PDE1A: variants seen among roughly 807,000 people sequenced by gnomAD.
PDE1A encodes dual specificity calcium/calmodulin-dependent 3',5'-cyclic nucleotide phosphodiesterase 1A.
PDE1A carries 35 observed loss-of-function variants against 61.7 expected under a neutral mutation model. The observed-to-expected ratio is 0.57, with a 90% CI of 0.43 to 0.75. The LOEUF is 0.75. PDE1A is among the 30% of genes least tolerant of loss of function. The pLI is 0.00. For synonymous variants in PDE1A, 232 were observed against 213.2 expected (o/e 1.09, Z -0.77); for missense variants, 597 against 630.6 (o/e 0.95, Z 0.57).
chr2:182,510,645 A>C (rs541746404), intron 2 of PDE1A, among the ~76,000 whole-genome samples: 10 of 152,336 alleles, frequency 6.6e-5, no homozygotes, highest in Non-Finnish European at 1.2e-4. Context: ...CCTAAAGAAT[A>C]ATTTTCAAGC....
rs190764598 is a variant in PDE1A, at chr2:182,519,208, T to C, written c.101+3068A>G. Among the ~76,000 whole-genome samples the C allele has an allele frequency of 1.2e-4, 18 of 152,168 alleles. No homozygotes were observed. In the East Asian group the frequency reaches 3.3e-3, roughly 28 times the overall value. ...GAAACTTCTGAATCAGAAATTTCAT[T>C]TGGTGTTGAGATGGCATAAGAAATA... On this transcript the variant is annotated intron_variant, in intron 2 of 14. Coordinates refer to the PDE1A transcript ENST00000410103.
In PDE1A at chr2:182,183,508, C is replaced by A. The variant is rs138744290; in HGVS notation, c.1516+2384G>T. ...TGGAATGGGAAGGCAGCAAATAATT[C>A]TGGTTACTTGAATATAAAATGGTGA... On this transcript the variant is annotated intron_variant, in intron 13 of 13. Transcript: ENST00000351439. 4.1e-3 allele frequency among the ~76,000 whole-genome samples: 630 copies of A among 152,134 alleles called. 4 individuals are homozygous for A. Among genetic ancestry groups the A allele is most frequent in the Non-Finnish European group, 6.7e-3 (457 of 68,000 alleles).
At chr2:182,614,432 CT>C in the PDE1A span, among the ~76,000 whole-genome samples, 2 of 151,070 alleles carry the variant, frequency 1.3e-5, no homozygotes, top group African/African-American at 4.9e-5. Flanking sequence ...AATTTTAATT[CT>C]TTATTTTTTC....
chr2:182,303,109 T>C (rs1695351786), intron 1 of PDE1A, among the ~76,000 whole-genome samples: 1 of 152,204 alleles, frequency 6.6e-6, no homozygotes, highest in African/African-American at 2.4e-5. Context: ...CCAATTCCTG[T>C]TAATGTTTAT....
chr2:182,243,663 T>C (rs990426736), intron 2 of PDE1A, among the ~76,000 whole-genome samples: 4 of 152,188 alleles, frequency 2.6e-5, no homozygotes, highest in Admixed American at 2.6e-4. Flanking sequence ...AAAAGACCAA[T>C]GTGCATGCTG....
At chr2:182,528,557 G>A in the PDE1A span, among the ~76,000 whole-genome samples, 42 of 152,270 alleles carry the variant, frequency 2.8e-4, no homozygotes, top group East Asian at 1.4e-3. Context: ...AACTCAAGCC[G>A]GCTACAGAAA....
chr2:182,163,639 G>T (rs74558318), downstream of PDE1A, among the ~76,000 whole-genome samples: 4,335 of 152,246 alleles, frequency 0.028, 198 homozygotes, highest in African/African-American at 0.1. Context: ...GTAAAGAGTT[G>T]TTGCATCTGG....
At chr2:182,422,184 T>C (rs761964413) in intron 1 of PDE1A, among the ~76,000 whole-genome samples, 2 of 152,234 alleles carry the variant, frequency 1.3e-5, no homozygotes, top group African/African-American at 4.8e-5. Flanking sequence ...TGATTTTGTT[T>C]GTGGCTTTTT....
At chr2:182,652,559 C>A in the PDE1A span, among the ~76,000 whole-genome samples, 2 of 152,068 alleles carry the variant, frequency 1.3e-5, no homozygotes, top group African/African-American at 4.8e-5. Context: ...CAGCCACAGC[C>A]GGATAAAAAG....
the PDE1A span, among the ~76,000 whole-genome samples, chr2:182,636,618 G>A: frequency 6.6e-6 from 1 of 152,138 alleles, no homozygotes; most frequent in African/African-American, 2.4e-5. Flanking sequence ...TCCCTAATCA[G>A]CAAAGCGAAC....
the PDE1A span, among the ~76,000 whole-genome samples, chr2:182,608,739 A>C: frequency 6.6e-6 from 1 of 152,166 alleles, no homozygotes; most frequent in Non-Finnish European, 1.5e-5. Flanking sequence ...CCCCTGCTCC[A>C]CGGCGCCCAG....
At chr2:182,409,598 TAACCACATTCTTACTTCCTGATG>T (rs1401539252) in intron 1 of PDE1A, among the ~76,000 whole-genome samples, 1 of 152,186 alleles carries the variant, frequency 6.6e-6, no homozygotes, top group Non-Finnish European at 1.5e-5. Flanking sequence ...TGCTATGAAA[TAACCACATTCTTACTTCCTGATG>T]GGCCTGTGGG....
chr2:182,202,569 C>T (rs188841589), intron 8 of PDE1A, among the ~76,000 whole-genome samples: 6 of 152,242 alleles, frequency 3.9e-5, no homozygotes, highest in Middle Eastern at 3.4e-3. Context: ...TAAGATTCAA[C>T]GCAAGAGGTC....
At chr2:182,244,275 T>C (rs184628371) in intron 2 of PDE1A, among the ~76,000 whole-genome samples, 10 of 152,346 alleles carry the variant, frequency 6.6e-5, no homozygotes, top group Admixed American at 5.9e-4. Flanking sequence ...ATCTCTTTTA[T>C]CTAGTTTCCA....
In PDE1A at chr2:182,448,801, G is replaced by A. The variant is rs534091408; in HGVS notation, c.101+73475C>T. Among the ~76,000 whole-genome samples, 5 of 151,966 alleles carry A rather than the reference G, an allele frequency of 3.3e-5. No individual in the cohort carries two copies. In the South Asian group the frequency reaches 6.2e-4, roughly 19 times the overall value. Reference sequence around the variant, plus strand: ...AGTTGTCTTAATCTACTGTGATTCCGTTTTTAGCAGATACAAACATAAGTT... The same window carrying A: ...AGTTGTCTTAATCTACTGTGATTCCATTTTTAGCAGATACAAACATAAGTT... On this transcript the variant is annotated intron_variant, in intron 2 of 14. Coordinates refer to the PDE1A transcript ENST00000410103.
At chr2:182,206,590 T>A (rs890811986) in intron 7 of PDE1A, among the ~76,000 whole-genome samples, 2 of 152,220 alleles carry the variant, frequency 1.3e-5, no homozygotes, top group African/African-American at 4.8e-5. Context: ...TGGCAACCAC[T>A]GATTTTTTTC....
At chr2:182,328,235 C>G (rs555701471) in intron 1 of PDE1A, among the ~76,000 whole-genome samples, 3 of 152,264 alleles carry the variant, frequency 2.0e-5, no homozygotes, top group Middle Eastern at 3.4e-3. Context: ...TGCCAGGAAA[C>G]ATTAAGGGAT....
At chr2:182,499,670 G>GT (rs1688970953) in intron 2 of PDE1A, among the ~76,000 whole-genome samples, 1 of 152,124 alleles carries the variant, frequency 6.6e-6, no homozygotes, top group Admixed American at 6.5e-5. Flanking sequence ...CAATGAACTG[G>GT]TATCTGCAAA....
chr2:182,673,175 C>A, the PDE1A span, among the ~76,000 whole-genome samples: 2 of 152,216 alleles, frequency 1.3e-5, no homozygotes, highest in Non-Finnish European at 2.9e-5. Context: ...TTAAACATAT[C>A]ATTGCCTAAG....
Sources: gnomAD v4.1 joint callset for allele counts (sites outside exome capture counted in the v4.1 genomes callset) on GRCh38, gnomAD v4.1.1 for gene constraint, MANE v1.5 for transcripts, NCBI Gene and HGNC (gene_info 2026-07-23, HGNC 2026-07-21) for gene names.